The following MAGI1 variants were observed in gnomAD, a reference collection of about 807,000 sequenced individuals.
MAGI1 encodes the protein membrane-associated guanylate kinase, WW and PDZ domain-containing protein 1.
In MAGI1, 58 loss-of-function variants were observed where a neutral mutation model predicts 139.9. The observed-to-expected ratio is 0.41, with a 90% CI of 0.34 to 0.52. MAGI1 has a LOEUF of 0.52. Among genes scored for constraint, MAGI1 ranks in the 20% least tolerant of loss-of-function variants. The probability of loss-of-function intolerance (pLI) is 0.12; values close to 1 mark genes in which losing one functional copy is unlikely to be tolerated. For missense variants in MAGI1, 1,874 were observed against 1,901.6 expected (o/e 0.99, Z 0.27); for synonymous variants, 812 against 737.9 (o/e 1.10, Z -1.63).
chr3:65,648,925 A>T (rs2085427390), intron 1 of MAGI1, among the ~76,000 whole-genome samples: 1 of 152,212 alleles, frequency 6.6e-6, no homozygotes, highest in Non-Finnish European at 1.5e-5. Flanking sequence ...CTGATTTTTC[A>T]TGAAGATACA....
chr3:65,430,430 G>A (rs988223051), intron 11 of MAGI1, among the ~76,000 whole-genome samples: 1 of 152,008 alleles, frequency 6.6e-6, no homozygotes, highest in African/African-American at 2.4e-5. Flanking sequence ...TTATTTAAAT[G>A]GGGATCTACA....
intron 1 of MAGI1, among the ~76,000 whole-genome samples, chr3:65,737,367 A>G (rs2034856385): frequency 6.6e-6 from 1 of 152,230 alleles, no homozygotes; most frequent in African/African-American, 2.4e-5. Flanking sequence ...ATGGATGGAC[A>G]GATGGATGGA....
intron 1 of MAGI1, among the ~76,000 whole-genome samples, chr3:65,900,800 A>G (rs977223692): frequency 3.3e-5 from 5 of 152,214 alleles, no homozygotes; most frequent in African/African-American, 1.2e-4. Context: ...CATCTGACCT[A>G]TTATGAACCA....
chr3:65,537,846 G>A (rs933273683), intron 2 of MAGI1, among the ~76,000 whole-genome samples: 9 of 152,066 alleles, frequency 5.9e-5, no homozygotes, highest in Non-Finnish European at 1.0e-4. Context: ...TATCAAACAC[G>A]GTGGCTCACA....
At chr3:65,712,535 C>CA (rs933914221) in intron 1 of MAGI1, among the ~76,000 whole-genome samples, 5 of 151,070 alleles carry the variant, frequency 3.3e-5, no homozygotes, top group Admixed American at 3.3e-4. Flanking sequence ...GTTGTTGAGA[C>CA]AGAGTTTCAC....
intron 18 of MAGI1, chr3:65,365,278 C>A: frequency 2.0e-6 from 1 of 509,364 alleles, no homozygotes; most frequent in South Asian, 1.6e-5. Flanking sequence ...GCAGTCCCAT[C>A]AAAGTGCTGC....
chr3:65,822,475 T>A (rs752274695), intron 1 of MAGI1, among the ~76,000 whole-genome samples: 2 of 151,774 alleles, frequency 1.3e-5, no homozygotes, highest in Non-Finnish European at 2.9e-5. Flanking sequence ...TCGCAGTGAG[T>A]TGAGATGGCA....
At chr3:65,812,461 C>CTG (rs2041310576) in intron 1 of MAGI1, among the ~76,000 whole-genome samples, 1 of 129,182 alleles carries the variant, frequency 7.7e-6, no homozygotes, top group African/African-American at 3.2e-5. Context: ...CTCTCTCTCT[C>CTG]TCTCTCTCAC....
chr3:65,540,737 C>A (rs1559651944), intron 2 of MAGI1, among the ~76,000 whole-genome samples: 1 of 152,186 alleles, frequency 6.6e-6, no homozygotes, highest in African/African-American at 2.4e-5. Flanking sequence ...TTCATACACA[C>A]TGGGTTGCAT....
chr3:65,968,108 G>T (rs916958826), intron 1 of MAGI1, among the ~76,000 whole-genome samples: 1 of 152,102 alleles, frequency 6.6e-6, no homozygotes, highest in Non-Finnish European at 1.5e-5. Context: ...GAAATGGAAA[G>T]AAAAATATGG....
intron 2 of MAGI1, among the ~76,000 whole-genome samples, chr3:65,522,144 C>T (rs2078191857): frequency 6.6e-6 from 1 of 152,100 alleles, no homozygotes; most frequent in South Asian, 2.1e-4. Flanking sequence ...ATATATCCAG[C>T]AATAATGAGA....
intron 2 of MAGI1, among the ~76,000 whole-genome samples, chr3:65,537,444 T>A (rs1032727125): frequency 3.3e-5 from 5 of 152,192 alleles, no homozygotes. Flanking sequence ...CCACATTGGC[T>A]CACTGTTATT....
chr3:65,408,637 G>T (rs1945542018), intron 12 of MAGI1, among the ~76,000 whole-genome samples: 1 of 152,170 alleles, frequency 6.6e-6, no homozygotes, highest in Admixed American at 6.5e-5. Context: ...AAAGCCATCT[G>T]CATCATTTCC....
At chr3:65,370,950 C>A (rs1250664852) in intron 18 of MAGI1, among the ~76,000 whole-genome samples, 1 of 152,238 alleles carries the variant, frequency 6.6e-6, no homozygotes, top group Non-Finnish European at 1.5e-5. Flanking sequence ...TGCCACTGCA[C>A]CCAGCTGTGT....
chr3:65,787,602 C>A (rs2039485684), intron 1 of MAGI1, among the ~76,000 whole-genome samples: 1 of 150,298 alleles, frequency 6.7e-6, no homozygotes, highest in African/African-American at 2.5e-5. Flanking sequence ...AGGGCACATT[C>A]CCTGCCCTCT....
At chr3:65,481,175 ATCT>A (rs1559594560) in intron 3 of MAGI1, among the ~76,000 whole-genome samples, 1 of 152,176 alleles carries the variant, frequency 6.6e-6, no homozygotes, top group Non-Finnish European at 1.5e-5. Flanking sequence ...ATCTTCAAAA[ATCT>A]TCTTTCAGGT....
rs61207352 is a variant in MAGI1 at position 66,006,994 on chromosome 3, C to CTATT, written c.313+30998_313+31001dup. Among the ~76,000 whole-genome samples the CTATT allele has an allele frequency of 1.4e-3, 213 of 151,246 alleles. 3 individuals carry two copies. Among genetic ancestry groups the CTATT allele is most frequent in the East Asian group, 5.6e-3 (29 of 5,174 alleles). On this transcript the variant is annotated intron_variant, in intron 1 of 22. Coordinates refer to ENST00000402939, the MANE Select transcript of MAGI1 (RefSeq NM_001033057.2). ...TACAGGTGCATGTCACCATGCCCAG[C>CTATT]TATTTATTTATTTATTTATTTATTT...
At chr3:65,889,876 G>A (rs1260600915) in intron 1 of MAGI1, among the ~76,000 whole-genome samples, 1 of 152,184 alleles carries the variant, frequency 6.6e-6, no homozygotes, top group Non-Finnish European at 1.5e-5. Context: ...GTATTGGTAT[G>A]TGTTCACAAC....
chr3:65,378,699 T>A (rs1394729072), intron 17 of MAGI1, among the ~76,000 whole-genome samples: 1 of 144,956 alleles, frequency 6.9e-6, no homozygotes, highest in African/African-American at 2.7e-5. Context: ...TTTTTTTTTT[T>A]AAGACAGAGT....
Sources: gnomAD v4.1 joint callset for allele counts (sites outside exome capture counted in the v4.1 genomes callset) on GRCh38, gnomAD v4.1.1 for gene constraint, MANE v1.5 for transcripts, NCBI Gene and HGNC (gene_info 2026-07-23, HGNC 2026-07-21) for gene names.